The following SIM2 variants were observed in gnomAD, a reference collection of about 807,000 sequenced individuals.
The protein encoded by SIM2 is SIM bHLH transcription factor 2.
A neutral mutation model predicts 64.8 loss-of-function variants in SIM2; 28 were observed. The observed-to-expected ratio is 0.43, with a 90% CI of 0.32 to 0.59. SIM2 has a LOEUF of 0.59. SIM2 is among the 20% of genes least tolerant of loss of function. The pLI is 0.07. For synonymous variants in SIM2, 408 were observed against 391.1 expected (o/e 1.04, Z -0.51); for missense variants, 847 against 871.4 (o/e 0.97, Z 0.35).
chr21:36,742,671 G>C (rs868512440), intron 8 of SIM2, among the ~76,000 whole-genome samples: 38 of 152,300 alleles, frequency 2.5e-4, no homozygotes, highest in Middle Eastern at 3.4e-3. Flanking sequence ...TCCAGGCTGT[G>C]ACCCTTGCCA....
chr21:36,719,336 C>A (rs756884936), intron 3 of SIM2, among the ~76,000 whole-genome samples: 7 of 152,384 alleles, frequency 4.6e-5, no homozygotes, highest in South Asian at 4.1e-4. Flanking sequence ...GCGCCCCTGC[C>A]GTGGACGGCT....
At chr21:36,709,102 C>G in intron 1 of SIM2, 66 bp from the exon 2 acceptor site, 1 of 1,424,268 alleles carries the variant, frequency 7.0e-7, no homozygotes, top group South Asian at 1.3e-5. Flanking sequence ...TCCGCGTGAC[C>G]TGCCCGGCTC....
At chr21:36,721,443 G>C (rs545653323) in intron 4 of SIM2, among the ~76,000 whole-genome samples, 1 of 152,084 alleles carries the variant, frequency 6.6e-6, no homozygotes, top group African/African-American at 2.4e-5. Flanking sequence ...TTTTTGTTTT[G>C]TTTTGTTTTT....
intron 6 of SIM2, among the ~76,000 whole-genome samples, chr21:36,730,057 G>A (rs1287986762): frequency 6.6e-6 from 1 of 152,148 alleles, no homozygotes; most frequent in Non-Finnish European, 1.5e-5. Context: ...TGGGGGGTCT[G>A]AACCAATCCT....
chr21:36,732,503 G>A (rs1370901578), intron 7 of SIM2, among the ~76,000 whole-genome samples: 2 of 152,176 alleles, frequency 1.3e-5, no homozygotes, highest in South Asian at 2.1e-4. Flanking sequence ...CCGGGAACTC[G>A]ATACTCCCAG....
intron 5 of SIM2, among the ~76,000 whole-genome samples, chr21:36,724,878 G>A (rs892447398): frequency 6.6e-6 from 1 of 152,130 alleles, no homozygotes; most frequent in African/African-American, 2.4e-5. Flanking sequence ...GACGCTCGAG[G>A]CTGTACAGAT....
At chr21:36,713,416 C>T (rs1182869180) in intron 3 of SIM2, among the ~76,000 whole-genome samples, 1 of 152,188 alleles carries the variant, frequency 6.6e-6, no homozygotes, top group African/African-American at 2.4e-5. Flanking sequence ...TGATCATTCT[C>T]ATTCACATGC....
In SIM2 at chr21:36,749,778, A is replaced by G. The variant is rs2089312474; in HGVS notation, c.*1686A>G. On this transcript the variant is annotated 3_prime_UTR_variant, in exon 11 of 11. Coordinates refer to ENST00000290399, the MANE Select transcript of SIM2 (RefSeq NM_005069.6). ...GGAGATACCACCGACATTTTTCAAT[A>G]AAGTACTGCAAAATGCTTTTGTGTC... The G allele has an allele frequency of 6.6e-6, 1 of 152,230 alleles. No individual in the cohort carries two copies. Among genetic ancestry groups the G allele is most frequent in the Non-Finnish European group, 1.5e-5 (1 of 68,044 alleles). The allele number at this position is 152,230 out of a possible 1,614,324, so 9.4% of individuals were successfully genotyped here.
intron 4 of SIM2, 92 bp downstream of exon 4, chr21:36,720,021 G>A (rs940854507): frequency 1.1e-6 from 1 of 915,516 alleles, no homozygotes. Context: ...CATCTGCCAA[G>A]TGGCTGGGCA....
intron 1 of SIM2, among the ~76,000 whole-genome samples, chr21:36,702,919 C>T (rs1166925753): frequency 7.5e-6 from 1 of 133,862 alleles, no homozygotes; most frequent in African/African-American, 2.8e-5. Flanking sequence ...AATCTAGAGA[C>T]CAGCTTAGGA....
chr21:36,744,946 G>A lies in SIM2; in HGVS notation c.1386G>A (p.Pro462=), dbSNP rs61750768. 5,884 of 1,614,228 alleles carry A rather than the reference G, an allele frequency of 3.6e-3. 171 individuals carry two copies. The African/African-American group carries it at 0.068, about 19-fold the overall frequency. The change falls in exon 10 of 11, where the codon CCG becomes CCA. Residue 462 remains proline (P), a synonymous_variant. Transcript: ENST00000290399. The part of the protein sequence containing the change: ...HVFSSKKPML[P]AKFGQPQGSP... Reference sequence around the variant, plus strand: ...TCAGCAGCAAAAAGCCAATGTTGCCGGCCAAGTTCGGGCAGCCCCAAGGAT... The same window carrying A: ...TCAGCAGCAAAAAGCCAATGTTGCCAGCCAAGTTCGGGCAGCCCCAAGGAT...
intron 3 of SIM2, among the ~76,000 whole-genome samples, chr21:36,716,567 T>C (rs890083582): frequency 3.3e-5 from 5 of 152,196 alleles, no homozygotes; most frequent in Non-Finnish European, 7.3e-5. Flanking sequence ...CATCTTGTTT[T>C]AAAATCCTTA....
rs532399685 is a variant in SIM2, at chr21:36,728,226, G to A, written c.743+1908G>A. ...CCAAAGTCATTATCAGAGACATCTA[G>A]GAGGATCCAACTGGTTTCCCCCTTG... On this transcript the variant is annotated intron_variant, in intron 6 of 10. Coordinates refer to ENST00000290399, the MANE Select transcript of SIM2 (RefSeq NM_005069.6). 8.3e-4 allele frequency among the ~76,000 whole-genome samples: 127 copies of A among 152,330 alleles called. 1 individual carries two copies. Among genetic ancestry groups the A allele is most frequent in the Non-Finnish European group, 1.2e-3 (85 of 68,026 alleles).
intron 6 of SIM2, among the ~76,000 whole-genome samples, chr21:36,730,402 C>T (rs1045327220): frequency 6.6e-6 from 1 of 152,152 alleles, no homozygotes; most frequent in Non-Finnish European, 1.5e-5. Flanking sequence ...TGCCATTGCA[C>T]GGATATGAAC....
chr21:36,730,193 CA>C (rs566153587), intron 6 of SIM2, among the ~76,000 whole-genome samples: 1 of 152,294 alleles, frequency 6.6e-6, no homozygotes, highest in East Asian at 1.9e-4. Flanking sequence ...GAGGTTTAAA[CA>C]CTCGCACCCG....
At chr21:36,740,960 G>A (rs1018409371) in intron 7 of SIM2, among the ~76,000 whole-genome samples, 6 of 152,144 alleles carry the variant, frequency 3.9e-5, no homozygotes, top group African/African-American at 9.7e-5. Flanking sequence ...GCCCACCTGC[G>A]GGTTCTGGCA....
chr21:36,744,661 G>A, intron 9 of SIM2, 67 bp from the exon 10 acceptor site: 2 of 1,498,990 alleles, frequency 1.3e-6, no homozygotes, highest in Non-Finnish European at 1.8e-6. Flanking sequence ...GACGGTTCTT[G>A]CAGGGCCGGA....
In SIM2 at chr21:36,723,082, A is replaced by G; in HGVS notation, c.495A>G (p.Lys165=). The change falls in exon 5 of 11, where the codon AAA becomes AAG. Residue 165 remains lysine (K), a synonymous_variant. Transcript: ENST00000290399. ...EIERSFFLRM[K]CVLAKRNAGL... ...AGAGGTCGTTCTTTCTTCGAATGAA[A>G]TGTGTCTTGGCGAAAAGGAACGCGG... 1.9e-6 allele frequency: 3 copies of G among 1,614,180 alleles called. No individual in the cohort carries two copies. The highest frequency in any genetic ancestry group is 2.5e-6 in the Non-Finnish European group (3 of 1,180,036).
intron 5 of SIM2, 105 bp downstream of exon 5, chr21:36,723,235 C>T: frequency 1.1e-6 from 1 of 881,410 alleles, no homozygotes; most frequent in South Asian, 1.4e-5. Context: ...ACTCGTCATC[C>T]CCACTAATGT....
Sources: gnomAD v4.1 joint callset for allele counts (sites outside exome capture counted in the v4.1 genomes callset) on GRCh38, gnomAD v4.1.1 for gene constraint, MANE v1.5 for transcripts, NCBI Gene and HGNC (gene_info 2026-07-23, HGNC 2026-07-21) for gene names.